The following DCC variants were observed in gnomAD, a reference collection of about 807,000 sequenced individuals.
The protein encoded by DCC is netrin receptor DCC.
DCC carries 58 observed loss-of-function variants against 172.5 expected under a neutral mutation model. The observed-to-expected ratio is 0.34, with a 90% confidence interval of 0.27 to 0.42. The LOEUF is 0.42. Ranked by LOEUF, DCC falls within the 10% of genes least tolerant of loss-of-function variation. The pLI is 1.00. For missense variants in DCC, 1,740 were observed against 1,791.0 expected, an observed-to-expected ratio of 0.97 and a Z score of 0.51; for synonymous variants, 709 against 644.5, an observed-to-expected ratio of 1.10 and a Z score of -1.52.
intron 9 of DCC, among the ~76,000 whole-genome samples, chr18:53,187,850 C>T (rs565544309): frequency 1.3e-5 from 2 of 152,222 alleles, no homozygotes; most frequent in South Asian, 2.1e-4. Context: ...CTGCAGGGAG[C>T]GGAGATTACC....
At chr18:53,325,788 G>A (rs1260510996) in intron 14 of DCC, among the ~76,000 whole-genome samples, 11 of 152,120 alleles carry the variant, frequency 7.2e-5, no homozygotes, top group South Asian at 6.2e-4. Context: ...AGAATTTACC[G>A]TGTGCTGAAT....
chr18:52,676,511 C>T (rs573511985), intron 1 of DCC, among the ~76,000 whole-genome samples: 12 of 152,248 alleles, frequency 7.9e-5, no homozygotes, highest in Admixed American at 6.5e-4. Flanking sequence ...GAAATTTTTA[C>T]AAACAAGTCC....
chr18:52,834,919 A>ATGTATG (rs947669150), intron 2 of DCC, among the ~76,000 whole-genome samples: 4 of 152,056 alleles, frequency 2.6e-5, no homozygotes, highest in Middle Eastern at 3.2e-3. Flanking sequence ...ATATATGTAT[A>ATGTATG]TGTATATTGG....
intron 1 of DCC, among the ~76,000 whole-genome samples, chr18:52,510,833 G>A (rs2031411555): frequency 1.3e-5 from 2 of 152,040 alleles, no homozygotes; most frequent in African/African-American, 4.8e-5. Flanking sequence ...ATCACCTATT[G>A]TATGTTTCTG....
chr18:52,495,427 C>T (rs2030703276), intron 1 of DCC, among the ~76,000 whole-genome samples: 1 of 152,082 alleles, frequency 6.6e-6, no homozygotes, highest in Non-Finnish European at 1.5e-5. Context: ...TTGTCAAATG[C>T]CCCAAGAGAG....
At chr18:52,406,458 A>G (rs181523401) in intron 1 of DCC, among the ~76,000 whole-genome samples, 1 of 152,208 alleles carries the variant, frequency 6.6e-6, no homozygotes, top group East Asian at 1.9e-4. Context: ...TCTACAATGA[A>G]CTCAAACAAA....
At chr18:52,919,094 A>T (rs2040081103) in intron 3 of DCC, among the ~76,000 whole-genome samples, 1 of 152,140 alleles carries the variant, frequency 6.6e-6, no homozygotes, top group Admixed American at 6.6e-5. Flanking sequence ...CTGTTGACTG[A>T]GTGCCTCAGT....
chr18:52,630,679 CT>C (rs2034658427), intron 1 of DCC, among the ~76,000 whole-genome samples: 1 of 152,002 alleles, frequency 6.6e-6, no homozygotes, highest in East Asian at 1.9e-4. Context: ...TTGCAGAACA[CT>C]TGCACTTTCA....
At chr18:53,087,237 A>G (rs2042927317) in intron 7 of DCC, among the ~76,000 whole-genome samples, 2 of 151,704 alleles carry the variant, frequency 1.3e-5, no homozygotes, top group South Asian at 4.2e-4. Flanking sequence ...AAGTGTTCCT[A>G]TTTCTCCACA....
At chr18:53,296,969 CTG>C (rs1260120658) in intron 12 of DCC, among the ~76,000 whole-genome samples, 1 of 152,070 alleles carries the variant, frequency 6.6e-6, no homozygotes, top group Non-Finnish European at 1.5e-5. Flanking sequence ...GAGTAACTGA[CTG>C]TGTTTGACGA....
At chr18:52,934,656 T>A (rs1381821986) in intron 5 of DCC, 1 of 152,162 alleles carries the variant, frequency 6.6e-6, no homozygotes, top group African/African-American at 2.4e-5. Context: ...TATGTTGAAA[T>A]CCTAACCCCC....
At chr18:52,504,795 AG>A (rs2031170582) in intron 1 of DCC, among the ~76,000 whole-genome samples, 1 of 151,648 alleles carries the variant, frequency 6.6e-6, no homozygotes, top group Non-Finnish European at 1.5e-5. Flanking sequence ...TCAGTGTAAA[AG>A]CCACCAACCT....
intron 22 of DCC, among the ~76,000 whole-genome samples, chr18:53,438,091 T>TTG (rs1912064387): frequency 6.6e-6 from 1 of 152,220 alleles, no homozygotes; most frequent in African/African-American, 2.4e-5. Context: ...GAAATTAGCA[T>TTG]TGTCCCCTTT....
chr18:53,331,603 G>A (rs899642348), intron 14 of DCC, among the ~76,000 whole-genome samples: 1 of 152,158 alleles, frequency 6.6e-6, no homozygotes, highest in Admixed American at 6.6e-5. Flanking sequence ...AGTATTTCAG[G>A]AAGTTGGCAG....
intron 5 of DCC, among the ~76,000 whole-genome samples, chr18:52,955,979 G>C (rs924715001): frequency 6.6e-6 from 1 of 151,032 alleles, no homozygotes; most frequent in Non-Finnish European, 1.5e-5. Flanking sequence ...TTTTAAATCA[G>C]TTGCATGTCT....
At chr18:53,035,489 G>A (rs557612732) in intron 5 of DCC, among the ~76,000 whole-genome samples, 1 of 152,110 alleles carries the variant, frequency 6.6e-6, no homozygotes, top group South Asian at 2.1e-4. Flanking sequence ...AGTGCTAAGT[G>A]GAAAATGAAA....
At chr18:53,175,201 C>G (rs1257366997) in intron 8 of DCC, among the ~76,000 whole-genome samples, 1 of 152,102 alleles carries the variant, frequency 6.6e-6, no homozygotes, top group Admixed American at 6.6e-5. Context: ...CTATCTATGA[C>G]AAACCCACAG....
chr18:52,666,160 G>C (rs2035456097), intron 1 of DCC, among the ~76,000 whole-genome samples: 1 of 152,108 alleles, frequency 6.6e-6, no homozygotes, highest in African/African-American at 2.4e-5. Context: ...GGGTGTGGTG[G>C]TGTGCACCTG....
intron 1 of DCC, among the ~76,000 whole-genome samples, chr18:52,408,188 A>G (rs914954368): frequency 2.0e-5 from 3 of 152,110 alleles, no homozygotes; most frequent in African/African-American, 7.2e-5. Context: ...ATATTCTAAA[A>G]TAATATACTA....
Sources: allele counts gnomAD v4.1 joint callset (sites outside exome capture counted in the v4.1 genomes callset), GRCh38; gene constraint gnomAD v4.1.1; transcripts MANE v1.5; gene names NCBI Gene and HGNC (gene_info 2026-07-23, HGNC 2026-07-21).